DERA: variants seen among roughly 807,000 people sequenced by gnomAD.
The protein encoded by DERA is 2-deoxy-D-ribose 5-phosphate aldolase.
In DERA, 15 loss-of-function variants were observed where a neutral mutation model predicts 41.1. The ratio of observed to expected loss-of-function variants is 0.37; its 90% CI spans 0.24 to 0.56. The LOEUF (loss-of-function observed/expected upper bound fraction) is 0.56, where lower values mean the gene tolerates loss of function less well. DERA is among the 20% of genes least tolerant of loss of function. The pLI, the probability that DERA is intolerant of heterozygous loss-of-function variation, is 0.81. For missense variants in DERA, 396 were observed against 403.4 expected, an observed-to-expected ratio of 0.98 and a Z score of 0.16; for synonymous variants, 139 against 137.4, an observed-to-expected ratio of 1.01 and a Z score of -0.08.
rs764018940 is a variant in DERA at position 16,000,722 on chromosome 12, A to T, written c.637+18286A>T. 1.3e-5 allele frequency among the ~76,000 whole-genome samples: 2 copies of T among 152,228 alleles called. No homozygotes were observed. The highest frequency in any genetic ancestry group is 2.9e-5 in the Non-Finnish European group (2 of 68,050). On this transcript the variant is annotated intron_variant, in intron 6 of 8. Coordinates refer to ENST00000428559, the MANE Select transcript of DERA (RefSeq NM_015954.4). The surrounding 1 kb of genome is among the most constrained non-coding windows in gnomAD (Gnocchi z 4.8). ...TGTTTGTAGAACGTTAGCTGCTATC[A>T]CACTGGCTTGATATTAACATTCTAG...
intron 1 of DERA, among the ~76,000 whole-genome samples, chr12:15,945,151 AGT>A (rs1948437555): frequency 6.6e-6 from 1 of 152,184 alleles, no homozygotes; most frequent in Non-Finnish European, 1.5e-5. Context: ...TATAGTTTGA[AGT>A]CAGGTAGCGT....
rs1949009291 is a variant in DERA, at chr12:16,020,226, T to A, written c.638-12316T>A. Among the ~76,000 whole-genome samples the A allele has an allele frequency of 6.6e-6, 1 of 152,116 alleles. No homozygotes were observed. The highest frequency in any genetic ancestry group is 2.1e-4 in the South Asian group (1 of 4,822). ...CATGGCTGGGGAGGCCTTAGGAAAC[T>A]TTTAGTCATGGTGGAAGAGGAAGCA... On this transcript the variant is annotated intron_variant, in intron 6 of 8. Transcript: ENST00000428559. This position sits in a 1 kb window ranked among gnomAD's most constrained non-coding sequence, Gnocchi z 5.5.
chr12:15,949,871 C>T (rs1006932335), intron 1 of DERA, among the ~76,000 whole-genome samples: 3 of 152,146 alleles, frequency 2.0e-5, no homozygotes, highest in African/African-American at 4.8e-5. Context: ...TTTAAAAATG[C>T]CGGTTGCCAC....
intron 1 of DERA, among the ~76,000 whole-genome samples, chr12:15,919,442 G>A (rs967820691): frequency 6.6e-6 from 1 of 152,184 alleles, no homozygotes; most frequent in Non-Finnish European, 1.5e-5. Flanking sequence ...TTTAAGTGGA[G>A]AGCTCTGGCC....
Position 15,913,316 on chromosome 12 carries a change from A to AT in DERA, c.31+1909dup. On this transcript the variant is annotated intron_variant, in intron 1 of 8. Coordinates refer to ENST00000428559, the MANE Select transcript of DERA (RefSeq NM_015954.4). The surrounding 1 kb of genome is among the most constrained non-coding windows in gnomAD (Gnocchi z 4.5). Reference sequence around the variant, plus strand: ...TTATTATCTTATTTGTTAAAATCAGATTTTTTTCCTTCACGGGTATTAATC... The same window carrying AT: ...TTATTATCTTATTTGTTAAAATCAGATTTTTTTTCCTTCACGGGTATTAATC... Among the ~76,000 whole-genome samples the AT allele has an allele frequency of 6.6e-6, 1 of 152,202 alleles. No homozygotes were observed. The highest frequency in any genetic ancestry group is 1.9e-4 in the East Asian group (1 of 5,186).
At chr12:15,945,566 A>G (rs933700208) in intron 1 of DERA, among the ~76,000 whole-genome samples, 2 of 152,172 alleles carry the variant, frequency 1.3e-5, no homozygotes, top group Admixed American at 6.5e-5. Context: ...TGATTTTTGC[A>G]CATTGATTTT....
chr12:15,939,639 G>T (rs775523561), intron 1 of DERA, among the ~76,000 whole-genome samples: 1 of 151,058 alleles, frequency 6.6e-6, no homozygotes, highest in Non-Finnish European at 1.5e-5. Context: ...TTAAATAAAA[G>T]ATTTTCAACT....
chr12:15,929,531 C>T (rs982362721), intron 1 of DERA, among the ~76,000 whole-genome samples: 2 of 152,120 alleles, frequency 1.3e-5, no homozygotes, highest in Non-Finnish European at 2.9e-5. Flanking sequence ...AGTATTTTAG[C>T]ACATGTTAGA....
intron 7 of DERA, among the ~76,000 whole-genome samples, chr12:16,033,295 G>T (rs188747712): frequency 2.2e-4 from 34 of 152,336 alleles, no homozygotes; most frequent in African/African-American, 7.9e-4. Flanking sequence ...GCAGGGAAAA[G>T]GTAGCTAGAC....
At chr12:15,919,970 A>ATG (rs10523539) in intron 1 of DERA, among the ~76,000 whole-genome samples, 110,152 of 148,142 alleles carry the variant, frequency 0.74, 41,470 homozygotes, top group East Asian at 0.85. Flanking sequence ...TGAGAAAGAA[A>ATG]TGTGTGTGTG....
intron 1 of DERA, among the ~76,000 whole-genome samples, chr12:15,932,653 G>T (rs146469793): frequency 2.3e-3 from 341 of 151,454 alleles, no homozygotes; most frequent in Middle Eastern, 6.8e-3. Flanking sequence ...AAAAAAAAAA[G>T]TTTCACTATA....
Position 15,996,167 on chromosome 12 carries a change from G to C in DERA, c.637+13731G>C, listed in dbSNP as rs1948836049. 7.5e-6 allele frequency among the ~76,000 whole-genome samples: 1 copy of C among 133,592 alleles called. No individual in the cohort carries two copies. The highest frequency in any genetic ancestry group is 4.0e-5 in the African/African-American group (1 of 25,094). 87.6% of individuals were successfully genotyped at this position (133,592 alleles called of 152,430 possible). A position where few individuals can be genotyped will look rare whatever the true frequency, so the allele number is the denominator to read the frequency against. On this transcript the variant is annotated intron_variant, in intron 6 of 8. Transcript: ENST00000428559. This position sits in a 1 kb window ranked among gnomAD's most constrained non-coding sequence, Gnocchi z 4.7. Reference sequence around the variant, plus strand: ...ACACACACACAGAGCATGTGTGTGTGTGTGTGTGTGTGTGTGTGTGTGTGT... The same window carrying C: ...ACACACACACAGAGCATGTGTGTGTCTGTGTGTGTGTGTGTGTGTGTGTGT...
intron 6 of DERA, among the ~76,000 whole-genome samples, chr12:16,022,658 AC>A (rs1949024280): frequency 6.6e-6 from 1 of 152,216 alleles, no homozygotes; most frequent in Non-Finnish European, 1.5e-5. Flanking sequence ...CTTTTCTCAG[AC>A]CCATCAAAGA....
chr12:15,973,649 A>G (rs180743918), intron 5 of DERA, among the ~76,000 whole-genome samples: 27 of 152,312 alleles, frequency 1.8e-4, no homozygotes, highest in Non-Finnish European at 3.2e-4. Flanking sequence ...TAAGTATCCA[A>G]TAACAGGAAA....
intron 1 of DERA, among the ~76,000 whole-genome samples, chr12:15,948,759 G>C (rs1298375362): frequency 2.0e-5 from 3 of 152,208 alleles, no homozygotes; most frequent in African/African-American, 7.2e-5. Context: ...CGTTCCTTTG[G>C]ACGGGGAGAG....
At position 15,958,297 on chromosome 12, in the gene DERA, G is replaced by A. The variant is rs114053981; in HGVS notation, c.239G>A (p.Arg80Gln). The part of the protein sequence containing the change: ...RLCYKAKYPI[R>Q]EDLLKALNMH... ...TGTTATAAAGCCAAATACCCAATCC[G>A]GGAAGATCTCTTAAAAGCTTTAAAT... Residue 80 changes from arginine to glutamine, a missense_variant, in exon 3 of 9, where the codon CGG becomes CAG. Coordinates refer to ENST00000428559, the MANE Select transcript of DERA (RefSeq NM_015954.4). 1,065 of 1,603,454 alleles carry A rather than the reference G, an allele frequency of 6.6e-4. 5 individuals are homozygous for A. The African/African-American group carries it at 0.012, about 18-fold the overall frequency.
chr12:15,973,156 C>T (rs1036729265), intron 5 of DERA, among the ~76,000 whole-genome samples: 1 of 152,058 alleles, frequency 6.6e-6, no homozygotes, highest in African/African-American at 2.4e-5. Context: ...AGGAGGGATG[C>T]GGGGAGACAA....
rs919120171 is a variant in DERA at position 15,921,046 on chromosome 12, T to G, written c.31+9632T>G. Among the ~76,000 whole-genome samples, 3 of 152,234 alleles carry G rather than the reference T, an allele frequency of 2.0e-5. No individual in the cohort carries two copies. Among genetic ancestry groups the G allele is most frequent in the Non-Finnish European group, 4.4e-5 (3 of 68,052 alleles). ...TTTTTTTGATAAATCTTATGTCATT[T>G]TTACCTTAATCTTATTATCTTTATA... On this transcript the variant is annotated intron_variant, in intron 1 of 8. Coordinates refer to ENST00000428559, the MANE Select transcript of DERA (RefSeq NM_015954.4). This position sits in a 1 kb window ranked among gnomAD's most constrained non-coding sequence, Gnocchi z 5.3.
rs558148473 is a variant in DERA at position 16,012,613 on chromosome 12, C to A, written c.638-19929C>A. Reference sequence around the variant, plus strand: ...ATAGTCAAGTGCTGTCACAGGGGATCTTCTTATTCTATTCTACCTCTAGGC... The same window carrying A: ...ATAGTCAAGTGCTGTCACAGGGGATATTCTTATTCTATTCTACCTCTAGGC... On this transcript the variant is annotated intron_variant, in intron 6 of 8. Coordinates refer to ENST00000428559, the MANE Select transcript of DERA (RefSeq NM_015954.4). The surrounding 1 kb of genome is among the most constrained non-coding windows in gnomAD (Gnocchi z 4.1). Among the ~76,000 whole-genome samples, 1 of 152,282 alleles carries A rather than the reference C, an allele frequency of 6.6e-6. No homozygotes were observed. The highest frequency in any genetic ancestry group is 1.5e-5 in the Non-Finnish European group (1 of 68,016).
Sources: gnomAD v4.1 joint callset for allele counts (sites outside exome capture counted in the v4.1 genomes callset) on GRCh38, gnomAD v4.1.1 for gene constraint, Gnocchi (gnomAD v3.1) non-coding constraint, MANE v1.5 for transcripts, NCBI Gene and HGNC (gene_info 2026-07-23, HGNC 2026-07-21) for gene names.